Variants in ZNF280D observed in about 807,000 individuals in gnomAD.
ZNF280D encodes zinc finger protein 280D.
ZNF280D carries 39 observed loss-of-function variants against 94.7 expected under a neutral mutation model. The observed-to-expected ratio is 0.41, with a 90% CI of 0.32 to 0.54. The LOEUF (loss-of-function observed/expected upper bound fraction) is 0.54. Among genes scored for constraint, ZNF280D ranks in the 20% least tolerant of loss-of-function variants. ZNF280D has a pLI of 0.22. For synonymous variants in ZNF280D, 398 were observed against 377.6 expected (o/e 1.05, Z -0.63); for missense variants, 1,090 against 1,149.3 (o/e 0.95, Z 0.75).
intron 19 of ZNF280D, chr15:56,653,615 A>C: frequency 1.4e-6 from 2 of 1,476,846 alleles, no homozygotes; most frequent in Non-Finnish European, 1.8e-6. Flanking sequence ...AAATAAGAAA[A>C]ATAGCACAAT....
chr15:56,706,637 T>G (rs975388060), intron 3 of ZNF280D, among the ~76,000 whole-genome samples: 2 of 152,126 alleles, frequency 1.3e-5, no homozygotes, highest in African/African-American at 4.8e-5. Flanking sequence ...AAATGTCCAT[T>G]GTGTAAGCCA....
At chr15:56,666,255 T>C (rs977101081) in intron 16 of ZNF280D, 140 bp downstream of exon 16, 14 of 729,992 alleles carry the variant, frequency 1.9e-5, no homozygotes, top group Middle Eastern at 4.0e-4. Context: ...CCAGGCAATA[T>C]CCTAAAAGTT....
chr15:56,636,458 G>C (rs954269091), intron 20 of ZNF280D, among the ~76,000 whole-genome samples: 2 of 151,290 alleles, frequency 1.3e-5, no homozygotes, highest in Non-Finnish European at 2.9e-5. Flanking sequence ...TTACCAAAGA[G>C]GCTAAAACTT....
chr15:56,673,885 G>A (rs2414481), intron 13 of ZNF280D, among the ~76,000 whole-genome samples: 150,521 of 152,144 alleles, frequency 0.99, 74,485 homozygotes, highest in Middle Eastern at 1. Context: ...TTTATACAAC[G>A]TCCTTTTTTG....
At chr15:56,670,009 A>ATATTAT (rs56365440) in intron 13 of ZNF280D, among the ~76,000 whole-genome samples, 321 of 2,972 alleles carry the variant, frequency 0.11, 86 homozygotes, top group Middle Eastern at 0.25. Context: ...ATATATATAT[A>ATATTAT]ATATATATAT....
At chr15:56,640,908 C>T (rs1181077625) in intron 20 of ZNF280D, among the ~76,000 whole-genome samples, 12 of 152,048 alleles carry the variant, frequency 7.9e-5, no homozygotes, top group Non-Finnish European at 1.5e-4. Flanking sequence ...GAATTTAAAT[C>T]GTCAGAATAT....
At chr15:56,662,754 G>T (rs2054027808) in intron 16 of ZNF280D, among the ~76,000 whole-genome samples, 1 of 151,232 alleles carries the variant, frequency 6.6e-6, no homozygotes, top group Admixed American at 6.6e-5. Context: ...AACCTGGGAG[G>T]TGGAGGTTGC....
intron 1 of ZNF280D, among the ~76,000 whole-genome samples, chr15:56,726,707 T>G (rs1457455514): frequency 1.3e-5 from 2 of 152,254 alleles, no homozygotes; most frequent in African/African-American, 4.8e-5. Context: ...TTAGCCTTAA[T>G]TGTTCTCATT....
At chr15:56,676,577 T>G in intron 13 of ZNF280D, 93 bp downstream of exon 13, 1 of 1,159,872 alleles carries the variant, frequency 8.6e-7, no homozygotes, top group Middle Eastern at 2.7e-4. Context: ...CAACTCTGCT[T>G]CTCTTGCAGA....
intron 20 of ZNF280D, among the ~76,000 whole-genome samples, chr15:56,642,275 G>C (rs2052666504): frequency 6.6e-6 from 1 of 151,720 alleles, no homozygotes; most frequent in Non-Finnish European, 1.5e-5. Context: ...TTGGAAGAAG[G>C]CTGATACTTC....
At chr15:56,646,710 CTG>C (rs1187199125) in intron 19 of ZNF280D, among the ~76,000 whole-genome samples, 2 of 152,130 alleles carry the variant, frequency 1.3e-5, no homozygotes, top group Non-Finnish European at 2.9e-5. Flanking sequence ...AAGGAGTTCA[CTG>C]TGAAGAAAAC....
chr15:56,668,476 A>G (rs1460368087), intron 14 of ZNF280D, among the ~76,000 whole-genome samples: 1 of 152,084 alleles, frequency 6.6e-6, no homozygotes, highest in African/African-American at 2.4e-5. Context: ...TAAATAAAAC[A>G]TGATTCCTGA....
At chr15:56,714,929 T>C (rs1195651187) in intron 1 of ZNF280D, among the ~76,000 whole-genome samples, 2 of 152,084 alleles carry the variant, frequency 1.3e-5, no homozygotes, top group Non-Finnish European at 2.9e-5. Context: ...AAGGATCCTA[T>C]CTCAAAAAGT....
At chr15:56,674,984 C>G (rs2055116090) in intron 13 of ZNF280D, among the ~76,000 whole-genome samples, 1 of 152,038 alleles carries the variant, frequency 6.6e-6, no homozygotes, top group African/African-American at 2.4e-5. Flanking sequence ...TATAATCCCA[C>G]TCAGCTATGG....
intron 1 of ZNF280D, among the ~76,000 whole-genome samples, chr15:56,719,587 C>A (rs376959869): frequency 1.1e-4 from 16 of 152,184 alleles, no homozygotes; most frequent in African/African-American, 3.4e-4. Flanking sequence ...AGAACACAGA[C>A]AGAGAAAGAC....
At chr15:56,708,495 A>C (rs530049624) in intron 1 of ZNF280D, among the ~76,000 whole-genome samples, 1 of 152,350 alleles carries the variant, frequency 6.6e-6, no homozygotes, top group African/African-American at 2.4e-5. Context: ...TCACAATTAC[A>C]TATCCTATGG....
intron 19 of ZNF280D, chr15:56,653,780 T>C (rs531113312): frequency 3.5e-5 from 44 of 1,264,430 alleles, no homozygotes; most frequent in Admixed American, 1.2e-4. Context: ...ACAAAAATTA[T>C]TGTAAGCAAA....
rs55701523 is a variant in ZNF280D, at chr15:56,669,879, A to ATATATTATATATATATATAT, written c.1411-923_1411-922insATATATATATATATAATATA. Among the ~76,000 whole-genome samples the ATATATTATATATATATATAT allele has an allele frequency of 4.9e-4, 5 of 10,248 alleles. 1 individual carries two copies. The highest frequency in any genetic ancestry group is 1.2e-3 in the African/African-American group (5 of 4,170). The allele number at this position is 10,248 out of a possible 152,430, so 6.7% of individuals were successfully genotyped here. On this transcript the variant is annotated intron_variant, in intron 13 of 21. Coordinates refer to ENST00000267807, the MANE Select transcript of ZNF280D (RefSeq NM_017661.4). ...TTTTATATATATATATATTTTATATATATATATATTATATATATATATAAT... is the reference window on the plus strand; with the variant it reads ...TTTTATATATATATATATTTTATATATATATTATATATATATATATTATATATATTATATATATATATAAT...
intron 20 of ZNF280D, among the ~76,000 whole-genome samples, chr15:56,642,308 T>C (rs1229325611): frequency 6.6e-6 from 1 of 151,804 alleles, no homozygotes; most frequent in African/African-American, 2.4e-5. Context: ...ACTTATATTA[T>C]GCGCCATTCA....
Sources: allele counts gnomAD v4.1 joint callset (sites outside exome capture counted in the v4.1 genomes callset), GRCh38; gene constraint gnomAD v4.1.1; transcripts MANE v1.5; gene names NCBI Gene and HGNC (gene_info 2026-07-23, HGNC 2026-07-21).